KLF17: variants seen among roughly 807,000 people sequenced by gnomAD.
KLF17 encodes Krueppel-like factor 17.
Under a neutral mutation model 34.2 loss-of-function variants are expected in KLF17, and 31 were observed. That is an observed-to-expected ratio of 0.91 (90% CI 0.68 to 1.22). KLF17 has a LOEUF of 1.22. Among genes scored for constraint, KLF17 ranks in the 50% most tolerant of loss-of-function variants. The probability of loss-of-function intolerance (pLI) is 0.00; values close to 1 mark genes in which losing one functional copy is unlikely to be tolerated. For synonymous variants in KLF17, 179 were observed against 186.7 expected, an observed-to-expected ratio of 0.96 and a Z score of 0.34; for missense variants, 478 against 505.2, an observed-to-expected ratio of 0.95 and a Z score of 0.52.
At chr1:44,132,544 C>T (rs1288791770) in intron 3 of KLF17, among the ~76,000 whole-genome samples, 1 of 152,144 alleles carries the variant, frequency 6.6e-6, no homozygotes, top group Non-Finnish European at 1.5e-5. Flanking sequence ...ACGTTACTTC[C>T]CATTCTTTCC....
upstream of KLF17, chr1:44,117,055 C>T (rs182857624): frequency 1.3e-5 from 2 of 152,162 alleles, no homozygotes; most frequent in African/African-American, 2.4e-5. Flanking sequence ...CTCCCTACCC[C>T]CTTCTGATCC....
the KLF17 span, chr1:44,110,293 T>G: frequency 6.6e-6 from 1 of 152,176 alleles, no homozygotes; most frequent in South Asian, 2.1e-4. Flanking sequence ...AAGTAAGAAG[T>G]AAAGGTAGAC....
chr1:44,126,319 C>T (rs2088008039), intron 1 of KLF17, among the ~76,000 whole-genome samples: 1 of 152,206 alleles, frequency 6.6e-6, no homozygotes, highest in South Asian at 2.1e-4. Flanking sequence ...GCCACCGCAC[C>T]CGGCCAAGGA....
chr1:44,127,692 T>TTCTTTCTTTCTCTTTCTTTC (rs753421834), intron 1 of KLF17, among the ~76,000 whole-genome samples: 2 of 90,136 alleles, frequency 2.2e-5, no homozygotes, highest in African/African-American at 5.5e-5. Context: ...CTTTCTTTCT[T>TTCTTTCTTTCTCTTTCTTTC]TTTCTTTCTT....
chr1:44,118,844 T>G lies in KLF17; in HGVS notation c.-64T>G. On this transcript the variant is annotated 5_prime_UTR_variant, in exon 1 of 4. Coordinates refer to ENST00000372299, the MANE Select transcript of KLF17 (RefSeq NM_173484.4). ...GCGTGGCGATGTACCGATACCCGCCTGCGACGCCGTGGTGGCTGGTTCCCT... is the reference window on the plus strand; with the variant it reads ...GCGTGGCGATGTACCGATACCCGCCGGCGACGCCGTGGTGGCTGGTTCCCT... 1 of 1,299,838 alleles carries G rather than the reference T, an allele frequency of 7.7e-7. No individual in the cohort carries two copies. Among genetic ancestry groups the G allele is most frequent in the Non-Finnish European group, 1.1e-6 (1 of 952,270 alleles). 80.5% of individuals were successfully genotyped at this position (1,299,838 alleles called of 1,614,324 possible).
At chr1:44,099,847 AAGAAAG>A in the KLF17 span, among the ~76,000 whole-genome samples, 2 of 47,052 alleles carry the variant, frequency 4.3e-5, no homozygotes, top group Non-Finnish European at 8.5e-5. Context: ...GAAAGAAAGA[AAGAAAG>A]AAAGAAAGAA....
At chr1:44,078,117 A>T in the KLF17 span, among the ~76,000 whole-genome samples, 1 of 152,248 alleles carries the variant, frequency 6.6e-6, no homozygotes, top group African/African-American at 2.4e-5. Context: ...CAAAATGATC[A>T]ATCAGTTCCT....
chr1:44,051,172 A>G, the KLF17 span: 1 of 152,472 alleles, frequency 6.6e-6, no homozygotes, highest in Non-Finnish European at 1.5e-5. Context: ...AGTGACAGTT[A>G]TTGTTAAGAT....
At chr1:44,100,547 C>A in the KLF17 span, among the ~76,000 whole-genome samples, 2 of 152,068 alleles carry the variant, frequency 1.3e-5, no homozygotes, top group African/African-American at 4.8e-5. Flanking sequence ...AATAACATAA[C>A]CGCACTGGAG....
At chr1:44,108,753 C>T in the KLF17 span, among the ~76,000 whole-genome samples, 2 of 146,524 alleles carry the variant, frequency 1.4e-5, no homozygotes, top group African/African-American at 5.1e-5. Flanking sequence ...GCAACCTCTG[C>T]CTCCTGGGTT....
At chr1:44,127,686 CTT>C (rs1230038812) in intron 1 of KLF17, among the ~76,000 whole-genome samples, 19 of 40,820 alleles carry the variant, frequency 4.7e-4, no homozygotes, top group African/African-American at 1.3e-3. Context: ...TTCTTTCTTT[CTT>C]TCTTTTTCTT....
At chr1:44,054,708 C>G in the KLF17 span, among the ~76,000 whole-genome samples, 3 of 150,974 alleles carry the variant, frequency 2.0e-5, no homozygotes, top group Admixed American at 2.0e-4. Flanking sequence ...GTCTCAGTCT[C>G]CTGACCTCAT....
chr1:44,112,923 G>C, the KLF17 span, among the ~76,000 whole-genome samples: 1 of 152,322 alleles, frequency 6.6e-6, no homozygotes, highest in Non-Finnish European at 1.5e-5. Context: ...GTACCCAGAG[G>C]TTTGTCCTTA....
rs114537743 is a variant in KLF17 at position 44,120,691 on chromosome 1, G to A, written c.81+1703G>A. Among the ~76,000 whole-genome samples, 920 of 152,320 alleles carry A rather than the reference G, an allele frequency of 6.0e-3. 14 individuals are homozygous for A. The highest frequency in any genetic ancestry group is 0.021 in the African/African-American group (881 of 41,566). ...ACAACTTAATTTGCCATGAAGGACT[G>A]GGAAAACAAGAGGGCCATTGCTGAG... On this transcript the variant is annotated intron_variant, in intron 1 of 3. Transcript: ENST00000372299.
At chr1:44,108,206 T>C in the KLF17 span, among the ~76,000 whole-genome samples, 7 of 152,248 alleles carry the variant, frequency 4.6e-5, no homozygotes, top group African/African-American at 9.6e-5. Flanking sequence ...TTCCCTTATA[T>C]GCGTGCTGGG....
intron 1 of KLF17, chr1:44,122,282 A>G: frequency 6.2e-7 from 1 of 1,602,936 alleles, no homozygotes; most frequent in Non-Finnish European, 8.5e-7. Context: ...CAAGTAGTGT[A>G]TCCAGAGGTA....
At chr1:44,080,363 C>T in the KLF17 span, among the ~76,000 whole-genome samples, 126 of 151,884 alleles carry the variant, frequency 8.3e-4, no homozygotes, top group African/African-American at 2.8e-3. Context: ...CTCAGCCTCC[C>T]GAGTAGCTGG....
the KLF17 span, among the ~76,000 whole-genome samples, chr1:44,077,020 C>T: frequency 6.7e-6 from 1 of 149,866 alleles, no homozygotes; most frequent in African/African-American, 2.4e-5. Flanking sequence ...CAGGTGTGAG[C>T]CACTGCACCC....
intron 1 of KLF17, among the ~76,000 whole-genome samples, chr1:44,120,184 A>G (rs2087929948): frequency 6.6e-6 from 1 of 152,248 alleles, no homozygotes. Context: ...GTGGGCAAAG[A>G]TGCTAGTGAA....
Sources: allele counts gnomAD v4.1 joint callset (sites outside exome capture counted in the v4.1 genomes callset), GRCh38; gene constraint gnomAD v4.1.1; transcripts MANE v1.5; gene names NCBI Gene and HGNC (gene_info 2026-07-23, HGNC 2026-07-21).